The following CSMD1 variants were observed in gnomAD, a reference collection of about 807,000 sequenced individuals.
CSMD1 encodes the protein CUB and Sushi multiple domains 1.
In CSMD1, 213 loss-of-function variants were observed where a neutral mutation model predicts 417.5. The observed-to-expected ratio is 0.51, with a 90% CI of 0.46 to 0.57. CSMD1 has a LOEUF of 0.57. Ranked by LOEUF, CSMD1 falls within the 20% of genes least tolerant of loss-of-function variation. The pLI is 0.00. For missense variants in CSMD1, 6,923 were observed against 4,529.7 expected, an observed-to-expected ratio of 1.53 and a Z score of -15.17; for synonymous variants, 2,862 against 1,736.8, an observed-to-expected ratio of 1.65 and a Z score of -16.11.
chr8:4,356,586 C>G (rs1439735140), intron 3 of CSMD1, among the ~76,000 whole-genome samples: 1 of 152,098 alleles, frequency 6.6e-6, no homozygotes, highest in African/African-American at 2.4e-5. Context: ...TCCATTTTTA[C>G]CTCTATCCTG....
intron 2 of CSMD1, among the ~76,000 whole-genome samples, chr8:4,508,426 T>C (rs950423288): frequency 3.3e-5 from 5 of 152,198 alleles, no homozygotes; most frequent in African/African-American, 4.8e-5. Context: ...TGCTTCAAAG[T>C]CAACCCACTT....
At chr8:4,270,577 C>T (rs1453174403) in intron 3 of CSMD1, among the ~76,000 whole-genome samples, 1 of 152,170 alleles carries the variant, frequency 6.6e-6, no homozygotes, top group Non-Finnish European at 1.5e-5. Flanking sequence ...GATGACTACA[C>T]ATTTTATAGC....
chr8:3,894,888 A>G (rs1416561462), intron 5 of CSMD1, among the ~76,000 whole-genome samples: 1 of 152,202 alleles, frequency 6.6e-6, no homozygotes, highest in Non-Finnish European at 1.5e-5. Context: ...TATAAATCCT[A>G]TAAAATTACA....
At chr8:3,420,203 T>C (rs1001309319) in intron 12 of CSMD1, among the ~76,000 whole-genome samples, 5 of 152,170 alleles carry the variant, frequency 3.3e-5, no homozygotes, top group Admixed American at 1.3e-4. Context: ...AACTACTTTA[T>C]GATATTCCTG....
At chr8:4,951,788 G>A (rs1034756061) in intron 1 of CSMD1, among the ~76,000 whole-genome samples, 7 of 151,642 alleles carry the variant, frequency 4.6e-5, no homozygotes, top group African/African-American at 1.7e-4. Context: ...TATCTCTGGT[G>A]AAAGATATTT....
At chr8:4,727,745 C>G (rs192779092) in intron 1 of CSMD1, among the ~76,000 whole-genome samples, 84 of 151,956 alleles carry the variant, frequency 5.5e-4, no homozygotes, top group African/African-American at 1.8e-3. Flanking sequence ...TTTTTCTTCT[C>G]TGAATCTCAG....
At chr8:3,175,009 T>A (rs547651868) in intron 37 of CSMD1, among the ~76,000 whole-genome samples, 10 of 152,326 alleles carry the variant, frequency 6.6e-5, no homozygotes, top group Admixed American at 2.6e-4. Flanking sequence ...AATGACTTAA[T>A]CAGGTATAAG....
chr8:4,240,811 T>A (rs1436887289), intron 3 of CSMD1, among the ~76,000 whole-genome samples: 5 of 152,212 alleles, frequency 3.3e-5, no homozygotes, highest in African/African-American at 4.8e-5. Flanking sequence ...TACTATCTAT[T>A]TTTTTATTTG....
In CSMD1 at chr8:3,369,837, TATGGG is replaced by T. The variant is rs1282312908; in HGVS notation, c.2783-472_2783-468del. ...GGCAACAATTAGGATGTCTGCAGAA[TATGGG>T]AGCTTAAGTGCTCAACTCTGATGTT... On this transcript the variant is annotated intron_variant, in intron 18 of 69. Transcript: ENST00000635120. 2.6e-5 allele frequency among the ~76,000 whole-genome samples: 4 copies of T among 152,242 alleles called. No homozygotes were observed. The East Asian group carries it at 7.7e-4, about 29-fold the overall frequency.
chr8:4,338,149 T>C (rs139578358), intron 3 of CSMD1, among the ~76,000 whole-genome samples: 5 of 152,274 alleles, frequency 3.3e-5, no homozygotes, highest in Admixed American at 6.5e-5. Context: ...TTCCAAAGCA[T>C]GGTAGTAGAG....
intron 33 of CSMD1, among the ~76,000 whole-genome samples, chr8:3,195,121 G>A (rs1326808322): frequency 6.6e-6 from 1 of 152,158 alleles, no homozygotes; most frequent in African/African-American, 2.4e-5. Flanking sequence ...ACAAATTACA[G>A]AAATAGGCCT....
In CSMD1 at chr8:3,310,423, G is replaced by T. The variant is rs116829387; in HGVS notation, c.3632-1920C>A. 4.7e-3 allele frequency among the ~76,000 whole-genome samples: 710 copies of T among 152,304 alleles called. 4 individuals carry two copies. The highest frequency in any genetic ancestry group is 0.016 in the African/African-American group (649 of 41,556). ...TGCCCAGCATTGGGGATGACCACCAGCAAACTAGAGGCAGAATGACTTGTT... is the reference window on the plus strand; with the variant it reads ...TGCCCAGCATTGGGGATGACCACCATCAAACTAGAGGCAGAATGACTTGTT... On this transcript the variant is annotated intron_variant, in intron 23 of 69. Transcript: ENST00000635120.
At chr8:4,217,273 C>T (rs570408304) in intron 3 of CSMD1, among the ~76,000 whole-genome samples, 1 of 152,274 alleles carries the variant, frequency 6.6e-6, no homozygotes, top group South Asian at 2.1e-4. Context: ...TTGCAGAAGT[C>T]TTTCATATAA....
intron 5 of CSMD1, among the ~76,000 whole-genome samples, chr8:3,977,975 C>T (rs776897852): frequency 6.6e-6 from 1 of 152,186 alleles, no homozygotes; most frequent in Non-Finnish European, 1.5e-5. Context: ...TGTCCATCTA[C>T]TAGCTCTTAC....
chr8:3,050,745 G>A (rs1348267268), intron 50 of CSMD1, among the ~76,000 whole-genome samples: 2 of 152,038 alleles, frequency 1.3e-5, no homozygotes, highest in African/African-American at 4.8e-5. Flanking sequence ...AAAAGCTTTT[G>A]GGAAGAACTC....
In CSMD1 at chr8:3,301,339, C is replaced by G. The variant is rs552924506; in HGVS notation, c.3950+6356G>C. Among the ~76,000 whole-genome samples the G allele has an allele frequency of 2.0e-5, 3 of 152,052 alleles. No individual in the cohort carries two copies. In the South Asian group the frequency reaches 6.2e-4, roughly 32 times the overall value. ...GCAGGGAGGAGAGTTTGGGAGGCTT[C>G]AGATGGGGTCTAAATGAGAAATGAA... On this transcript the variant is annotated intron_variant, in intron 25 of 69. Coordinates refer to ENST00000635120, the MANE Select transcript of CSMD1 (RefSeq NM_033225.6).
chr8:4,652,468 C>T (rs569990029), intron 1 of CSMD1, among the ~76,000 whole-genome samples: 54 of 151,898 alleles, frequency 3.6e-4, no homozygotes, highest in Non-Finnish European at 7.8e-4. Flanking sequence ...TGCAGCCTAC[C>T]AGAAAGAACC....
intron 49 of CSMD1, among the ~76,000 whole-genome samples, chr8:3,077,036 T>TA: frequency 6.6e-6 from 1 of 151,992 alleles, no homozygotes; most frequent in Non-Finnish European, 1.5e-5. Context: ...AGTGCACTTC[T>TA]TTCCATCCTA....
chr8:3,647,097 G>C (rs1797614714), intron 7 of CSMD1, among the ~76,000 whole-genome samples: 1 of 152,096 alleles, frequency 6.6e-6, no homozygotes, highest in African/African-American at 2.4e-5. Context: ...CCCTTGTCAT[G>C]GCAATGAAAA....
Sources: gnomAD v4.1 joint callset for allele counts (sites outside exome capture counted in the v4.1 genomes callset) on GRCh38, gnomAD v4.1.1 for gene constraint, MANE v1.5 for transcripts, NCBI Gene and HGNC (gene_info 2026-07-23, HGNC 2026-07-21) for gene names.